The following PCED1B variants were observed in gnomAD, a reference collection of about 807,000 sequenced individuals.
PCED1B encodes the protein PC-esterase domain containing 1B.
For missense variants in PCED1B, 573 were observed against 573.9 expected, an observed-to-expected ratio of 1.00 and a Z score of 0.02; for synonymous variants, 251 against 246.1, an observed-to-expected ratio of 1.02 and a Z score of -0.19.
At chr12:47,167,801 A>G (rs1007338532) in intron 2 of PCED1B, among the ~76,000 whole-genome samples, 9 of 152,208 alleles carry the variant, frequency 5.9e-5, no homozygotes, top group African/African-American at 2.2e-4. Context: ...AGTGTTCTCC[A>G]TGGAGGGAAG....
chr12:47,212,742 T>A (rs1943132363), intron 2 of PCED1B, among the ~76,000 whole-genome samples: 1 of 152,210 alleles, frequency 6.6e-6, no homozygotes, highest in Non-Finnish European at 1.5e-5. Context: ...TGTATACTAA[T>A]CCCTGGAACA....
At chr12:47,169,959 G>A (rs1338497006) in intron 2 of PCED1B, among the ~76,000 whole-genome samples, 1 of 149,720 alleles carries the variant, frequency 6.7e-6, no homozygotes, top group East Asian at 2.0e-4. Flanking sequence ...GATTTGGCAA[G>A]GTCATAGGAC....
At chr12:47,233,356 A>C (rs536105456) in intron 3 of PCED1B, among the ~76,000 whole-genome samples, 1 of 151,832 alleles carries the variant, frequency 6.6e-6, no homozygotes, top group Admixed American at 6.6e-5. Flanking sequence ...GTAGCCAGAA[A>C]GGTCTCGATC....
At position 47,235,220 on chromosome 12, in the gene PCED1B, G is replaced by A; in HGVS notation, c.157G>A (p.Glu53Lys). ...LTPGQLRARG[E>K]LNFEQDELVD... The stretch of plus-strand genomic sequence containing the variant: ...TCCCGGGCAGCTTAGAGCAAGGGGG[G>A]AGCTGAACTTCGAACAAGATGAGCT... Residue 53 changes from glutamate to lysine, a missense_variant, in exon 4 of 4, where the codon GAG (glutamate) becomes AAG (lysine). Glu to Lys is a moderately conservative substitution (Grantham distance 56). Transcript: ENST00000546455. 6.2e-7 allele frequency: 1 copy of A among 1,609,878 alleles called. No individual in the cohort carries two copies. The highest frequency in any genetic ancestry group is 1.3e-5 in the African/African-American group (1 of 75,040).
intron 2 of PCED1B, among the ~76,000 whole-genome samples, chr12:47,166,381 A>G (rs1197416898): frequency 6.6e-6 from 1 of 152,170 alleles, no homozygotes; most frequent in Non-Finnish European, 1.5e-5. Flanking sequence ...GCTCAGTTCC[A>G]TACTGGTTTG....
chr12:47,113,964 A>AC (rs201093015), intron 2 of PCED1B, among the ~76,000 whole-genome samples: 1,793 of 91,764 alleles, frequency 0.02, 13 homozygotes, highest in Non-Finnish European at 0.028. Flanking sequence ...AAGAAAAAAA[A>AC]AACACACACA....
At chr12:47,135,772 T>G in intron 2 of PCED1B, 1 of 524,764 alleles carries the variant, frequency 1.9e-6, no homozygotes, top group East Asian at 5.3e-5. Context: ...TGGATCATGG[T>G]GAACGCTGGA....
chr12:47,110,963 G>T (rs920471180), intron 2 of PCED1B, among the ~76,000 whole-genome samples: 1 of 152,156 alleles, frequency 6.6e-6, no homozygotes, highest in African/African-American at 2.4e-5. Context: ...GAATGCTCTG[G>T]TGTTCTTTGA....
chr12:47,160,157 G>C (rs12299244), intron 2 of PCED1B, among the ~76,000 whole-genome samples: 8,338 of 152,102 alleles, frequency 0.055, 732 homozygotes, highest in African/African-American at 0.19. Context: ...AATATATCTT[G>C]AAGTCAGGTA....
intron 1 of PCED1B, among the ~76,000 whole-genome samples, chr12:47,089,131 A>G (rs1177642377): frequency 6.6e-6 from 1 of 151,954 alleles, no homozygotes; most frequent in Non-Finnish European, 1.5e-5. Context: ...AATTTTACAC[A>G]TGGAGAGGGA....
rs764060321 is a variant in PCED1B, at chr12:47,080,873, C to T, written c.-609+1148C>T. The stretch of plus-strand genomic sequence containing the variant: ...TTTCCTCTGTCTCTGTCCCCGCCAC[C>T]TCCCCGTCTTTTGCAAGCGTGCTCG... On this transcript the variant is annotated intron_variant, in intron 1 of 3. Coordinates refer to ENST00000546455, the MANE Select transcript of PCED1B (RefSeq NM_138371.3). Among the ~76,000 whole-genome samples, 3 of 152,220 alleles carry T rather than the reference C, an allele frequency of 2.0e-5. No individual in the cohort carries two copies. In the East Asian group the frequency reaches 5.8e-4, roughly 29 times the overall value.
At position 47,226,413 on chromosome 12, in the gene PCED1B, G is replaced by A. The variant is rs546254212; in HGVS notation, c.-57-8594G>A. ...GAGATGGAGTGAGTCTCGCTCTGTC[G>A]CCCAGCCTGGAGTGCATTGGTGGGA... On this transcript the variant is annotated intron_variant, in intron 3 of 3. Transcript: ENST00000546455. 7.2e-4 allele frequency among the ~76,000 whole-genome samples: 109 copies of A among 152,178 alleles called. 1 individual carries two copies. The highest frequency in any genetic ancestry group is 2.4e-3 in the African/African-American group (98 of 41,532).
chr12:47,182,612 G>T (rs989219790), intron 2 of PCED1B, among the ~76,000 whole-genome samples: 8 of 151,304 alleles, frequency 5.3e-5, no homozygotes, highest in African/African-American at 1.7e-4. Flanking sequence ...GAAAAAAAAA[G>T]AATACTACTA....
intron 2 of PCED1B, among the ~76,000 whole-genome samples, chr12:47,185,994 C>T (rs1169037303): frequency 2.0e-5 from 3 of 151,720 alleles, no homozygotes; most frequent in Admixed American, 6.6e-5. Context: ...CCAAGGTGGG[C>T]GGATCACGAG....
chr12:47,104,511 C>G lies in PCED1B; in HGVS notation c.-526+316C>G, dbSNP rs138374293. Reference sequence around the variant, plus strand: ...AATTATATTATCATTTTCATTATCACCCAGGCAAGTCACCTGAATGCTGTG... The same window carrying G: ...AATTATATTATCATTTTCATTATCAGCCAGGCAAGTCACCTGAATGCTGTG... On this transcript the variant is annotated intron_variant, in intron 2 of 3. Transcript: ENST00000546455. Among the ~76,000 whole-genome samples, 53 of 152,228 alleles carry G rather than the reference C, an allele frequency of 3.5e-4. 2 individuals carry two copies. The East Asian group carries it at 9.1e-3, about 26-fold the overall frequency.
At chr12:47,112,415 T>C (rs978219770) in intron 2 of PCED1B, among the ~76,000 whole-genome samples, 3 of 152,218 alleles carry the variant, frequency 2.0e-5, no homozygotes, top group African/African-American at 4.8e-5. Flanking sequence ...TCTTAGCAAA[T>C]TTCTCTATAC....
chr12:47,131,910 G>A (rs534034169), intron 2 of PCED1B, among the ~76,000 whole-genome samples: 9 of 151,908 alleles, frequency 5.9e-5, no homozygotes, highest in South Asian at 2.1e-4. Context: ...CTCGTGATCC[G>A]CCCACCTCCA....
intron 2 of PCED1B, among the ~76,000 whole-genome samples, chr12:47,106,214 C>T (rs1206972977): frequency 1.3e-5 from 2 of 152,066 alleles, no homozygotes; most frequent in African/African-American, 2.4e-5. Flanking sequence ...TCAAAATACA[C>T]ATTTTTATCA....
chr12:47,081,242 G>A (rs1458791589), intron 1 of PCED1B, among the ~76,000 whole-genome samples: 1 of 152,144 alleles, frequency 6.6e-6, no homozygotes, highest in African/African-American at 2.4e-5. Flanking sequence ...AGTTGGGGCA[G>A]GATAGATAAC....
Sources: allele counts gnomAD v4.1 joint callset (sites outside exome capture counted in the v4.1 genomes callset), GRCh38; gene constraint gnomAD v4.1.1; transcripts MANE v1.5; gene names NCBI Gene and HGNC (gene_info 2026-07-23, HGNC 2026-07-21).